The following SAA4 variants were observed in gnomAD, a reference collection of about 807,000 sequenced individuals.
SAA4 encodes the protein serum amyloid A-4 protein.
SAA4 carries 8 observed loss-of-function variants against 11.2 expected under a neutral mutation model. That is an observed-to-expected ratio of 0.71 (90% confidence interval 0.42 to 1.29). The LOEUF (loss-of-function observed/expected upper bound fraction) is 1.29, where lower values mean the gene tolerates loss of function less well. Ranked by LOEUF, SAA4 falls within the 50% of genes most tolerant of loss-of-function variation. The probability of loss-of-function intolerance (pLI) is 0.01; values close to 1 mark genes in which losing one functional copy is unlikely to be tolerated. For missense variants in SAA4, 171 were observed against 164.2 expected, an observed-to-expected ratio of 1.04 and a Z score of -0.23; for synonymous variants, 60 against 56.2, an observed-to-expected ratio of 1.07 and a Z score of -0.30.
chr11:18,235,922 C>T lies in SAA4; in HGVS notation c.5G>A (p.Arg2Lys), dbSNP rs1226833727. Residue 2 changes from arginine to lysine, a missense_variant, in exon 2 of 4, where the codon AGG becomes AAG. By Grantham distance (26) the Arg-to-Lys change is conservative. Transcript: ENST00000278222. ...GCAGAAAACAATGCCTGTGAAAAGC[C>T]TCATTGTGCTGAAGAGAAAGAAAGA... M[R>K]LFTGIVFCSL... 10 of 1,612,320 alleles carry T rather than the reference C, an allele frequency of 6.2e-6. No individual in the cohort carries two copies. The highest frequency in any genetic ancestry group is 1.1e-5 in the South Asian group (1 of 90,864).
intron 2 of SAA4, among the ~76,000 whole-genome samples, chr11:18,235,380 G>T (rs1857194408): frequency 6.6e-6 from 1 of 152,280 alleles, no homozygotes; most frequent in South Asian, 2.1e-4. Context: ...AGAAGTTAGG[G>T]CTTAATTTTC....
At chr11:18,233,532 G>A (rs1253619433) in intron 2 of SAA4, among the ~76,000 whole-genome samples, 1 of 152,096 alleles carries the variant, frequency 6.6e-6, no homozygotes, top group Non-Finnish European at 1.5e-5. Flanking sequence ...GTTTTGTTTA[G>A]TCACAGTCTC....
intron 2 of SAA4, among the ~76,000 whole-genome samples, chr11:18,235,539 A>G (rs531125629): frequency 6.6e-6 from 1 of 152,326 alleles, no homozygotes; most frequent in East Asian, 1.9e-4. Flanking sequence ...TCATGCCCTG[A>G]GAAATCTGCC....
chr11:18,234,241 C>T (rs1225770839), intron 2 of SAA4, among the ~76,000 whole-genome samples: 1 of 152,070 alleles, frequency 6.6e-6, no homozygotes, highest in Non-Finnish European at 1.5e-5. Flanking sequence ...CACTAATCAA[C>T]AATGATAGAG....
chr11:18,236,352 G>A (rs1325126007), intron 1 of SAA4, among the ~76,000 whole-genome samples: 1 of 151,630 alleles, frequency 6.6e-6, no homozygotes, highest in Non-Finnish European at 1.5e-5. Context: ...ATGAGCCACT[G>A]TGCCAGCCAA....
At chr11:18,233,974 C>T (rs1312296895) in intron 2 of SAA4, among the ~76,000 whole-genome samples, 3 of 152,096 alleles carry the variant, frequency 2.0e-5, no homozygotes, top group African/African-American at 7.2e-5. Context: ...CACTAAAGTA[C>T]ATGTACACCA....
intron 2 of SAA4, among the ~76,000 whole-genome samples, chr11:18,233,752 T>G (rs534380477): frequency 6.6e-6 from 1 of 151,724 alleles, no homozygotes; most frequent in Non-Finnish European, 1.5e-5. Flanking sequence ...TGGCCTCAAG[T>G]GATCCTCCTG....
intron 1 of SAA4, among the ~76,000 whole-genome samples, chr11:18,236,472 C>A (rs1590007908): frequency 6.6e-6 from 1 of 152,280 alleles, no homozygotes; most frequent in South Asian, 2.1e-4. Context: ...CCTTAATTCT[C>A]AGCCCAGATC....
chr11:18,233,326 T>C (rs1042413294), intron 2 of SAA4, among the ~76,000 whole-genome samples: 3 of 152,170 alleles, frequency 2.0e-5, no homozygotes, highest in Non-Finnish European at 4.4e-5. Flanking sequence ...TGAGGTAACA[T>C]ACATAAAATG....
intron 2 of SAA4, among the ~76,000 whole-genome samples, chr11:18,232,850 A>T (rs1167196284): frequency 2.4e-5 from 3 of 125,032 alleles, no homozygotes; most frequent in Non-Finnish European, 5.2e-5. Context: ...CATTGAATTG[A>T]ATTGGTTGGC....
At chr11:18,234,043 T>C (rs1857175143) in intron 2 of SAA4, among the ~76,000 whole-genome samples, 2 of 152,144 alleles carry the variant, frequency 1.3e-5, no homozygotes, top group South Asian at 4.1e-4. Flanking sequence ...AATTATCCAA[T>C]AATGTAGGAT....
chr11:18,235,284 T>A (rs1219718023), intron 2 of SAA4, among the ~76,000 whole-genome samples: 3 of 152,214 alleles, frequency 2.0e-5, no homozygotes, highest in Admixed American at 1.3e-4. Flanking sequence ...TCGTTTCCCA[T>A]CCAGAATGGC....
Position 18,231,433 on chromosome 11 carries a change from T to TG in SAA4, c.*68dup. 6.4e-7 allele frequency: 1 copy of TG among 1,567,626 alleles called. No individual in the cohort carries two copies. The highest frequency in any genetic ancestry group is 2.4e-4 in the Middle Eastern group (1 of 4,190). ...GGGGACACAAAGCTCAGTGACCCTG[T>TG]GTCCCTGTCTGGGGGGAGAAGTGTG... is the stretch of plus-strand genomic sequence containing the variant. On this transcript the variant is annotated 3_prime_UTR_variant, in exon 4 of 4. Coordinates refer to ENST00000278222, the MANE Select transcript of SAA4 (RefSeq NM_006512.4).
rs539539819 is a variant in SAA4, at chr11:18,232,326, G to A, written c.230+69C>T. On this transcript the variant is annotated intron_variant, in intron 3 of 3. Coordinates refer to ENST00000278222, the MANE Select transcript of SAA4 (RefSeq NM_006512.4). ...TGTGGAGGAGGGGAAAGAGCCACAG[G>A]TTCTCCTGACTCTCAAGACAGATAG... 17 of 1,570,504 alleles carry A rather than the reference G, an allele frequency of 1.1e-5. No individual in the cohort carries two copies. In the South Asian group the frequency reaches 1.6e-4, roughly 15 times the overall value.
intron 1 of SAA4, 34 bp from the exon 2 acceptor site, chr11:18,235,964 T>TAA: frequency 3.9e-6 from 6 of 1,531,930 alleles, no homozygotes; most frequent in South Asian, 2.5e-5. Flanking sequence ...CAGAGGATCA[T>TAA]AAAAAAAAAC....
chr11:18,233,412 C>A (rs1273553215), intron 2 of SAA4, among the ~76,000 whole-genome samples: 1 of 152,168 alleles, frequency 6.6e-6, no homozygotes, highest in Non-Finnish European at 1.5e-5. Context: ...CAATAAGATA[C>A]CACTATACAC....
At chr11:18,232,899 G>T (rs1055234810) in intron 2 of SAA4, among the ~76,000 whole-genome samples, 2 of 152,218 alleles carry the variant, frequency 1.3e-5, no homozygotes, top group African/African-American at 4.8e-5. Flanking sequence ...ATGGGTCTGT[G>T]TGTACTGTGT....
chr11:18,236,287 C>T (rs1190647983), intron 1 of SAA4, among the ~76,000 whole-genome samples: 3 of 147,318 alleles, frequency 2.0e-5, no homozygotes, highest in Non-Finnish European at 3.0e-5. Context: ...AGGCTAGTCT[C>T]GAACTCCTGG....
chr11:18,234,247 T>C (rs1487126228), intron 2 of SAA4, among the ~76,000 whole-genome samples: 1 of 152,142 alleles, frequency 6.6e-6, no homozygotes, highest in Non-Finnish European at 1.5e-5. Flanking sequence ...TCAACAATGA[T>C]AGAGGTAAGA....
Sources: allele counts gnomAD v4.1 joint callset (sites outside exome capture counted in the v4.1 genomes callset), GRCh38; gene constraint gnomAD v4.1.1; transcripts MANE v1.5; gene names NCBI Gene and HGNC (gene_info 2026-07-23, HGNC 2026-07-21).